The following ZNF654 variants were observed in gnomAD, a reference collection of about 807,000 sequenced individuals.
The protein encoded by ZNF654 is zinc finger protein 654, also known as melanoma-associated antigen.
Under a neutral mutation model 95.3 loss-of-function variants are expected in ZNF654, and 19 were observed. The observed-to-expected ratio is 0.20, with a 90% CI of 0.14 to 0.29. The LOEUF is 0.29. Among genes scored for constraint, ZNF654 ranks in the 10% least tolerant of loss-of-function variants. The probability of loss-of-function intolerance (pLI) is 1.00; values close to 1 mark genes in which losing one functional copy is unlikely to be tolerated. For missense variants in ZNF654, 1,046 were observed against 1,341.0 expected, an observed-to-expected ratio of 0.78 and a Z score of 3.44; for synonymous variants, 413 against 457.9, an observed-to-expected ratio of 0.90 and a Z score of 1.25.
intron 2 of ZNF654, among the ~76,000 whole-genome samples, chr3:88,091,660 G>A (rs760307823): frequency 5.3e-4 from 80 of 152,138 alleles, no homozygotes; most frequent in Non-Finnish European, 8.4e-4. Context: ...TCATGGAAGG[G>A]ACCCAATGGG....
intron 1 of ZNF654, among the ~76,000 whole-genome samples, chr3:88,062,484 CAGT>C (rs1315711740): frequency 1.3e-5 from 2 of 152,186 alleles, no homozygotes; most frequent in Non-Finnish European, 2.9e-5. Context: ...CATTATGACA[CAGT>C]AGTAAGAAAT....
rs976074222 is a variant in ZNF654, at chr3:88,101,681, G to A, written c.333-11434G>A. Among the ~76,000 whole-genome samples the A allele has an allele frequency of 3.3e-5, 5 of 152,034 alleles. No individual in the cohort carries two copies. The East Asian group carries it at 5.8e-4, about 18-fold the overall frequency. ...GGCCACATCTTTTCATTTCTCCTAGGTAGATACCTAGGCATAGAATTGTTA... is the reference window on the plus strand; with the variant it reads ...GGCCACATCTTTTCATTTCTCCTAGATAGATACCTAGGCATAGAATTGTTA... On this transcript the variant is annotated intron_variant, in intron 2 of 8. Coordinates refer to ENST00000636215, the MANE Select transcript of ZNF654 (RefSeq NM_001350134.2).
intron 7 of ZNF654, among the ~76,000 whole-genome samples, chr3:88,137,372 A>AATG (rs1392024014): frequency 1.3e-5 from 2 of 152,094 alleles, no homozygotes; most frequent in African/African-American, 4.8e-5. Context: ...CCAAGTTGTA[A>AATG]ATGATGGATT....
rs2107833269 is a variant in ZNF654 at position 88,128,881 on chromosome 3, G to A, written c.623G>A (p.Arg208His). The change falls in exon 5 of 9, where the codon CGC becomes CAC. Residue 208 changes from arginine to histidine, a missense_variant. Coordinates refer to ENST00000636215, the MANE Select transcript of ZNF654 (RefSeq NM_001350134.2). ...GCCAGATACCTAATTGCTTGTGAACGCATACCCGAAGCAATGGCTCTTATT... is the reference window on the plus strand; with the variant it reads ...GCCAGATACCTAATTGCTTGTGAACACATACCCGAAGCAATGGCTCTTATT... ...LRARYLIACE[R>H]IPEAMALIKS... 5.9e-6 allele frequency: 9 copies of A among 1,535,242 alleles called. No homozygotes were observed. The highest frequency in any genetic ancestry group is 1.2e-5 in the South Asian group (1 of 84,036).
intron 1 of ZNF654, among the ~76,000 whole-genome samples, chr3:88,062,853 G>A (rs1280398221): frequency 6.6e-6 from 1 of 152,148 alleles, no homozygotes; most frequent in African/African-American, 2.4e-5. Flanking sequence ...GACTTAAATA[G>A]GTAGATGCTA....
intron 1 of ZNF654, among the ~76,000 whole-genome samples, chr3:88,077,003 T>G (rs1267816129): frequency 6.6e-6 from 1 of 152,148 alleles, no homozygotes; most frequent in Non-Finnish European, 1.5e-5. Flanking sequence ...TATTGTTGAT[T>G]TTACTTCCCT....
chr3:88,111,460 A>G (rs1452197099), intron 2 of ZNF654, among the ~76,000 whole-genome samples: 3 of 151,794 alleles, frequency 2.0e-5, no homozygotes, highest in Admixed American at 2.0e-4. Context: ...ATGAATATAT[A>G]TCTCTGGGTC....
chr3:88,093,222 T>G (rs1176820136), intron 2 of ZNF654, among the ~76,000 whole-genome samples: 2 of 152,192 alleles, frequency 1.3e-5, no homozygotes, highest in Non-Finnish European at 2.9e-5. Context: ...TTAGATTGGT[T>G]AAATACTGAT....
intron 1 of ZNF654, among the ~76,000 whole-genome samples, chr3:88,079,092 A>C (rs79127066): frequency 0.057 from 8,665 of 152,146 alleles, 272 homozygotes; most frequent in Admixed American, 0.078. Context: ...AACTATAAAA[A>C]GTTATTGGAT....
At chr3:88,109,039 T>C (rs770523364) in intron 2 of ZNF654, among the ~76,000 whole-genome samples, 9 of 152,088 alleles carry the variant, frequency 5.9e-5, no homozygotes, top group Non-Finnish European at 1.2e-4. Context: ...AACAGAAACA[T>C]GTTCAAATTG....
chr3:88,139,713 C>G lies in ZNF654; in HGVS notation c.2044C>G (p.Pro682Ala). The G allele has an allele frequency of 6.4e-7, 1 of 1,567,934 alleles. No individual in the cohort carries two copies. The highest frequency in any genetic ancestry group is 8.7e-7 in the Non-Finnish European group (1 of 1,155,212). The change falls in exon 8 of 9, where the codon CCT becomes GCT. Residue 682 changes from proline (P) to alanine (A), a missense_variant. Around this residue, in one of 9 missense-constraint regions of ZNF654, gnomAD observed 495 missense variants for 537.0 expected, o/e 0.92. Transcript: ENST00000636215. ...VIENVIENGS[P>A]NNSLNNVFKP... ...TGAAAATGTTATTGAAAATGGCAGTCCTAATAATTCTTTAAATAATGTTTT... is the reference window on the plus strand; with the variant it reads ...TGAAAATGTTATTGAAAATGGCAGTGCTAATAATTCTTTAAATAATGTTTT...
intron 1 of ZNF654, among the ~76,000 whole-genome samples, chr3:88,085,877 A>G (rs1265472192): frequency 6.6e-6 from 1 of 152,174 alleles, no homozygotes; most frequent in Non-Finnish European, 1.5e-5. Flanking sequence ...TAATAATGAT[A>G]ATAATAATGC....
Position 88,139,162 on chromosome 3 carries a change from G to T in ZNF654, c.1493G>T (p.Gly498Val), listed in dbSNP as rs1351576233. The T allele has an allele frequency of 2.2e-5, 30 of 1,342,836 alleles. No homozygotes were observed. The highest frequency in any genetic ancestry group is 2.9e-5 in the Non-Finnish European group (30 of 1,045,706). 83.2% of individuals were successfully genotyped at this position (1,342,836 alleles called of 1,614,324 possible). Reference protein sequence around the residue: ...RTEEQQGLDEGFDSLTDQSTG... With the variant: ...RTEEQQGLDEVFDSLTDQSTG... ...GAGGAACAGCAAGGTTTGGATGAAG[G>T]GTTTGACTCTCTTACAGATCAGAGC... is the stretch of plus-strand genomic sequence containing the variant. The change falls in exon 8 of 9, where the codon GGG becomes GTG. Residue 498 changes from glycine to valine, a missense_variant. By Grantham distance (109) the Gly-to-Val change is moderately radical. Around this residue, in one of 9 missense-constraint regions of ZNF654, gnomAD observed 100 missense variants for 108.9 expected, o/e 0.92. Coordinates refer to ENST00000636215, the MANE Select transcript of ZNF654 (RefSeq NM_001350134.2).
intron 1 of ZNF654, among the ~76,000 whole-genome samples, chr3:88,061,007 T>TAAA (rs1272107269): frequency 1.3e-5 from 2 of 152,172 alleles, no homozygotes; most frequent in African/African-American, 4.8e-5. Context: ...CTTGAAAATG[T>TAAA]ATTTTTATTT....
At chr3:88,117,310 AG>A (rs1412178220) in intron 3 of ZNF654, among the ~76,000 whole-genome samples, 5 of 152,220 alleles carry the variant, frequency 3.3e-5, no homozygotes, top group Non-Finnish European at 7.4e-5. Flanking sequence ...GGACTCATGT[AG>A]AACAAACAGG....
intron 2 of ZNF654, among the ~76,000 whole-genome samples, chr3:88,089,596 A>T (rs182457475): frequency 6.6e-6 from 1 of 152,280 alleles, no homozygotes. Flanking sequence ...CAGTTGCTAG[A>T]TGAGCTAATG....
At chr3:88,069,546 T>C (rs1048570517) in intron 1 of ZNF654, among the ~76,000 whole-genome samples, 4 of 152,242 alleles carry the variant, frequency 2.6e-5, no homozygotes, top group Non-Finnish European at 5.9e-5. Flanking sequence ...ATCGAAGTTA[T>C]AACTACACAA....
intron 1 of ZNF654, among the ~76,000 whole-genome samples, chr3:88,085,535 T>A (rs1241620907): frequency 6.6e-6 from 1 of 152,196 alleles, no homozygotes; most frequent in African/African-American, 2.4e-5. Context: ...ATGATGGATT[T>A]TGTTAATATA....
intron 1 of ZNF654, among the ~76,000 whole-genome samples, chr3:88,073,554 T>C (rs973987139): frequency 3.3e-5 from 5 of 152,232 alleles, no homozygotes; most frequent in South Asian, 2.1e-4. Flanking sequence ...AGGAATATTA[T>C]GTATACTAAA....
Sources: allele counts gnomAD v4.1 joint callset (sites outside exome capture counted in the v4.1 genomes callset), GRCh38; gene constraint gnomAD v4.1.1; regional missense constraint gnomAD v4.1.1; transcripts MANE v1.5; gene names NCBI Gene and HGNC (gene_info 2026-07-23, HGNC 2026-07-21).